The following ANK2 variants were observed in gnomAD, a reference collection of about 807,000 sequenced individuals.
ANK2 encodes the protein ankyrin 2.
In ANK2, 83 loss-of-function variants were observed where a neutral mutation model predicts 360.5. The observed-to-expected ratio is 0.23, with a 90% CI of 0.19 to 0.28. The LOEUF is 0.28. ANK2 is among the 10% of genes least tolerant of loss of function. The pLI is 1.00. For synonymous variants in ANK2, 1,740 were observed against 1,759.5 expected (o/e 0.99, Z 0.28); for missense variants, 4,201 against 4,795.7 (o/e 0.88, Z 3.66).
At chr4:112,873,912 A>C (rs896100630) in intron 1 of ANK2, among the ~76,000 whole-genome samples, 1 of 151,716 alleles carries the variant, frequency 6.6e-6, no homozygotes, top group Non-Finnish European at 1.5e-5. Flanking sequence ...ATTCCTTTTA[A>C]ATTTATTAAA....
chr4:113,025,974 C>T (rs1042638341), intron 2 of ANK2, among the ~76,000 whole-genome samples: 1 of 152,092 alleles, frequency 6.6e-6, no homozygotes, highest in African/African-American at 2.4e-5. Context: ...AAAACAGAAA[C>T]AGCAGGTTAA....
intron 1 of ANK2, among the ~76,000 whole-genome samples, chr4:112,824,415 TG>T (rs1268169451): frequency 2.6e-5 from 4 of 152,120 alleles, no homozygotes; most frequent in African/African-American, 9.7e-5. Flanking sequence ...TTGCCCAGGC[TG>T]GTCTTGAACT....
intron 1 of ANK2, among the ~76,000 whole-genome samples, chr4:113,139,044 A>T (rs987209444): frequency 2.6e-5 from 4 of 152,212 alleles, no homozygotes; most frequent in African/African-American, 4.8e-5. Flanking sequence ...AATGATCATT[A>T]GTACAATACT....
chr4:113,308,158 G>A (rs1231703585), intron 23 of ANK2, among the ~76,000 whole-genome samples: 1 of 152,158 alleles, frequency 6.6e-6, no homozygotes, highest in Non-Finnish European at 1.5e-5. Context: ...TTCTTTCCAA[G>A]TCTAATGGCA....
chr4:112,801,683 T>G, the ANK2 span, among the ~76,000 whole-genome samples: 1 of 152,090 alleles, frequency 6.6e-6, no homozygotes. Flanking sequence ...AGTTCTAGCA[T>G]GGGTAAGCAT....
intron 27 of ANK2, among the ~76,000 whole-genome samples, chr4:113,330,874 T>A (rs1198558475): frequency 6.6e-6 from 1 of 152,180 alleles, no homozygotes; most frequent in East Asian, 1.9e-4. Flanking sequence ...AATCATTATC[T>A]TTACTTTGGA....
intron 2 of ANK2, among the ~76,000 whole-genome samples, chr4:112,924,010 T>G (rs2092092355): frequency 1.3e-5 from 2 of 152,226 alleles, no homozygotes; most frequent in African/African-American, 4.8e-5. Context: ...TAAAGTTAAT[T>G]AAAAAGGTGA....
intron 2 of ANK2, among the ~76,000 whole-genome samples, chr4:113,180,089 A>G (rs2098363302): frequency 6.6e-6 from 1 of 152,244 alleles, no homozygotes; most frequent in African/African-American, 2.4e-5. Flanking sequence ...CATTTTCAAA[A>G]CAATATTAAT....
At chr4:113,281,922 G>A (rs1289213279) in intron 17 of ANK2, among the ~76,000 whole-genome samples, 1 of 152,134 alleles carries the variant, frequency 6.6e-6, no homozygotes, top group East Asian at 1.9e-4. Context: ...ATTCATATAA[G>A]CTAATTTTGT....
At chr4:113,206,690 C>T (rs1941956027) in intron 4 of ANK2, among the ~76,000 whole-genome samples, 1 of 152,112 alleles carries the variant, frequency 6.6e-6, no homozygotes, top group African/African-American at 2.4e-5. Flanking sequence ...TTTTCCAGTT[C>T]TCTATATGCT....
chr4:112,943,639 C>T (rs773140084), intron 2 of ANK2, among the ~76,000 whole-genome samples: 5 of 151,912 alleles, frequency 3.3e-5, no homozygotes, highest in Non-Finnish European at 5.9e-5. Context: ...TTAGCTCTAA[C>T]GCTTCTAATT....
chr4:112,891,923 A>T (rs984244496), intron 1 of ANK2, among the ~76,000 whole-genome samples: 1 of 152,232 alleles, frequency 6.6e-6, no homozygotes, highest in African/African-American at 2.4e-5. Flanking sequence ...GTTCTCAATA[A>T]ATATTTACTA....
At chr4:112,757,407 T>C in the ANK2 span, among the ~76,000 whole-genome samples, 1 of 152,210 alleles carries the variant, frequency 6.6e-6, no homozygotes, top group Admixed American at 6.5e-5. Context: ...AGCCACTGTG[T>C]CCGGCTGACA....
rs997833950 is a variant in ANK2 at position 113,365,081 on chromosome 4, A to T, written c.10931A>T (p.Asp3644Val). 1 of 1,613,880 alleles carries T rather than the reference A, an allele frequency of 6.2e-7. No individual in the cohort carries two copies. The highest frequency in any genetic ancestry group is 1.3e-5 in the African/African-American group (1 of 74,902). ...TGTCTCACCAAGATCAACCGAATGG[A>T]TATTGTTCATCTCATGGAGACCAAC... Reference protein sequence around the residue: ...VECLTKINRMDIVHLMETNTE... With the variant: ...VECLTKINRMVIVHLMETNTE... The change falls in exon 41 of 46, where the codon GAT (aspartate) becomes GTT (valine). Residue 3644 changes from aspartate to valine, a missense_variant. By Grantham distance (152) the Asp-to-Val change is radical (BLOSUM62 -3). Around this residue, in one of 4 missense-constraint regions of ANK2, gnomAD observed 2,642 missense variants for 2,714.5 expected, o/e 0.97. Coordinates refer to ENST00000357077, the MANE Select transcript of ANK2 (RefSeq NM_001148.6).
In ANK2 at chr4:113,381,865, T is replaced by C. The variant is rs546292693; in HGVS notation, c.*394T>C. 11 of 394,846 alleles carry C rather than the reference T, an allele frequency of 2.8e-5. No individual in the cohort carries two copies. The highest frequency in any genetic ancestry group is 5.3e-5 in the Non-Finnish European group (11 of 208,606). The allele number at this position is 394,846 out of a possible 1,614,324, so 24.5% of individuals were successfully genotyped here. ...TCATACTGGATGCTGTATCCAATAC[T>C]TTGTTGTGTCTGTGCTAACCTGGGA... On this transcript the variant is annotated 3_prime_UTR_variant, in exon 46 of 46. Transcript: ENST00000357077.
intron 9 of ANK2, among the ~76,000 whole-genome samples, chr4:113,246,926 G>C (rs1229542585): frequency 6.6e-6 from 1 of 152,164 alleles, no homozygotes; most frequent in Non-Finnish European, 1.5e-5. Flanking sequence ...AGTTTCAGCA[G>C]AATTATGTAA....
At chr4:113,044,357 G>T (rs576573291) in intron 2 of ANK2, among the ~76,000 whole-genome samples, 1 of 152,300 alleles carries the variant, frequency 6.6e-6, no homozygotes, top group African/African-American at 2.4e-5. Context: ...CATGAATAGA[G>T]ATTACTCATG....
intron 2 of ANK2, among the ~76,000 whole-genome samples, chr4:113,014,827 G>A (rs912973257): frequency 7.4e-6 from 1 of 135,730 alleles, no homozygotes; most frequent in Non-Finnish European, 1.5e-5. Context: ...GACATTGTCT[G>A]TATAGATGTG....
chr4:112,900,961 T>C lies in ANK2; in HGVS notation c.-39-3494T>C, dbSNP rs148138674. On this transcript the variant is annotated intron_variant, in intron 1 of 30. Coordinates refer to the ANK2 transcript ENST00000503271. ...AGCCTCACTTTCCTTGTCTACAGAA[T>C]GTGGATAATAGGAGGGTTTTCATGA... Among the ~76,000 whole-genome samples the C allele has an allele frequency of 1.1e-3, 163 of 152,346 alleles. 1 individual carries two copies. Among genetic ancestry groups the C allele is most frequent in the Non-Finnish European group, 1.5e-3 (101 of 68,024 alleles).
Sources: gnomAD v4.1 joint callset for allele counts (sites outside exome capture counted in the v4.1 genomes callset) on GRCh38, gnomAD v4.1.1 for gene constraint, gnomAD v4.1.1 regional missense constraint, MANE v1.5 for transcripts, NCBI Gene and HGNC (gene_info 2026-07-23, HGNC 2026-07-21) for gene names.